ERC2: variants seen among roughly 807,000 people sequenced by gnomAD.
The protein encoded by ERC2 is ELKS/RAB6-interacting/CAST family member 2, also known as ERC protein 2.
Under a neutral mutation model 114.8 loss-of-function variants are expected in ERC2, and 42 were observed. The observed-to-expected ratio is 0.37, with a 90% confidence interval of 0.29 to 0.47. The LOEUF (loss-of-function observed/expected upper bound fraction) is 0.47. Ranked by LOEUF, ERC2 falls within the 20% of genes least tolerant of loss-of-function variation. The probability of loss-of-function intolerance (pLI) is 0.99; values close to 1 mark genes in which losing one functional copy is unlikely to be tolerated. For missense variants in ERC2, 939 were observed against 1,150.7 expected, an observed-to-expected ratio of 0.82 and a Z score of 2.66; for synonymous variants, 454 against 425.5, an observed-to-expected ratio of 1.07 and a Z score of -0.82.
At chr3:55,770,727 A>G (rs964522358) in intron 14 of ERC2, among the ~76,000 whole-genome samples, 1 of 152,130 alleles carries the variant, frequency 6.6e-6, no homozygotes, top group African/African-American at 2.4e-5. Context: ...CACATGTGCC[A>G]TGGTGGTTTG....
At chr3:56,353,240 C>G (rs2150532067) in intron 2 of ERC2, among the ~76,000 whole-genome samples, 1 of 152,148 alleles carries the variant, frequency 6.6e-6, no homozygotes, top group African/African-American at 2.4e-5. Flanking sequence ...AAATATAGAT[C>G]TACAACCCAT....
At chr3:55,733,523 C>G (rs1239889196) in intron 15 of ERC2, among the ~76,000 whole-genome samples, 3 of 72,578 alleles carry the variant, frequency 4.1e-5, no homozygotes, top group African/African-American at 1.3e-4. Flanking sequence ...CTCTCTGTCT[C>G]TCATTCTTTC....
In ERC2 at chr3:55,799,437, TTA is replaced by T. The variant is rs1553682483; in HGVS notation, c.2565-64521_2565-64520del. On this transcript the variant is annotated intron_variant, in intron 14 of 17. Transcript: ENST00000288221. Reference sequence around the variant, plus strand: ...TTATATATATGCATATATATATGCCTTATATATATATGCATATATATATATAT... The same window carrying T: ...TTATATATATGCATATATATATGCCTTATATATATGCATATATATATATAT... Among the ~76,000 whole-genome samples the T allele has an allele frequency of 1.2e-3, 119 of 103,286 alleles. 1 individual carries two copies. The highest frequency in any genetic ancestry group is 1.7e-3 in the Non-Finnish European group (96 of 56,338). The allele number at this position is 103,286 out of a possible 152,430, so 67.8% of individuals were successfully genotyped here. A position where few individuals can be genotyped will look rare whatever the true frequency, so the allele number is the denominator to read the frequency against.
Position 56,007,178 on chromosome 3 carries a change from T to TA in ERC2, c.2061+2dup, listed in dbSNP as rs1480265314. The TA allele has an allele frequency of 1.3e-6, 2 of 1,556,778 alleles. No homozygotes were observed. Among genetic ancestry groups the TA allele is most frequent in the South Asian group, 2.4e-5 (2 of 84,030 alleles). ...ATGATTCTTTTTCTTAGACTTCACT[T>TA]ACCTTTTTTAACTGTGCTTCCAATT... On this transcript the variant is annotated splice_region_variant and intron_variant, in intron 10 of 17. Coordinates refer to ENST00000288221, the MANE Select transcript of ERC2 (RefSeq NM_015576.3).
rs114514735 is a variant in ERC2, at chr3:55,534,138, G to T, written c.*40-22862C>A. ...ATCCTGTACTGAAGAACTTAGCACA[G>T]TGGGGTGCAGTGGCTCATGGCCATA... On this transcript the variant is annotated intron_variant, in intron 17 of 17. Coordinates refer to ENST00000288221, the MANE Select transcript of ERC2 (RefSeq NM_015576.3). Among the ~76,000 whole-genome samples, 593 of 152,374 alleles carry T rather than the reference G, an allele frequency of 3.9e-3. 5 individuals are homozygous for T. Among genetic ancestry groups the T allele is most frequent in the African/African-American group, 0.013 (543 of 41,592 alleles).
intron 2 of ERC2, among the ~76,000 whole-genome samples, chr3:56,428,365 A>G (rs2061654719): frequency 6.6e-6 from 1 of 151,964 alleles, no homozygotes; most frequent in Admixed American, 6.6e-5. Context: ...TACTAAAAAT[A>G]CAAAAATCAG....
intron 15 of ERC2, among the ~76,000 whole-genome samples, chr3:55,714,639 ATG>A (rs34850947): frequency 8.4e-3 from 831 of 99,394 alleles, no homozygotes; most frequent in East Asian, 0.031. Context: ...GTTTGTATAT[ATG>A]TGTGTGTGTG....
intron 17 of ERC2, among the ~76,000 whole-genome samples, chr3:55,523,999 G>C (rs1413694934): frequency 1.3e-5 from 2 of 152,170 alleles, no homozygotes; most frequent in African/African-American, 4.8e-5. Context: ...GCTGACTTCA[G>C]GTAAGTCACT....
intron 14 of ERC2, among the ~76,000 whole-genome samples, chr3:55,813,617 A>T (rs925194851): frequency 1.3e-5 from 2 of 152,198 alleles, no homozygotes; most frequent in Non-Finnish European, 2.9e-5. Flanking sequence ...GAACTGTCTG[A>T]CCAGGTAGCC....
intron 3 of ERC2, among the ~76,000 whole-genome samples, chr3:56,235,441 ATTGTAGATAGTTGCCAATGCTTTT>A (rs1226985428): frequency 1.3e-5 from 2 of 152,256 alleles, no homozygotes; most frequent in Non-Finnish European, 2.9e-5. Context: ...TTGGCCTAGC[ATTGTAGATAGTTGCCAATGCTTTT>A]TTGAAAAATA....
intron 7 of ERC2, among the ~76,000 whole-genome samples, chr3:56,078,471 A>G (rs962025498): frequency 5.3e-5 from 8 of 152,222 alleles, no homozygotes; most frequent in Admixed American, 5.2e-4. Context: ...GAAAGATTAC[A>G]GAACTCACTT....
intron 12 of ERC2, among the ~76,000 whole-genome samples, chr3:55,952,409 AAGTCAAACTTGC>A (rs1435675758): frequency 1.3e-5 from 2 of 152,064 alleles, no homozygotes; most frequent in Non-Finnish European, 2.9e-5. Flanking sequence ...TGAAGCCACC[AAGTCAAACTTGC>A]ATGCTAATCC....
In ERC2 at chr3:55,916,547, C is replaced by T. The variant is rs190817470; in HGVS notation, c.2404-27998G>A. On this transcript the variant is annotated intron_variant, in intron 13 of 17. Coordinates refer to ENST00000288221, the MANE Select transcript of ERC2 (RefSeq NM_015576.3). ...ATCATCAAAAGTTACACCGACTACA[C>T]CTCCCACTCATCCATGCCTACTGGT... is the stretch of plus-strand genomic sequence containing the variant. Among the ~76,000 whole-genome samples the T allele has an allele frequency of 1.8e-4, 28 of 152,264 alleles. No homozygotes were observed. In the East Asian group the frequency reaches 4.8e-3, roughly 26 times the overall value.
chr3:55,623,842 G>A (rs906208954), intron 17 of ERC2, among the ~76,000 whole-genome samples: 1 of 152,224 alleles, frequency 6.6e-6, no homozygotes, highest in African/African-American at 2.4e-5. Context: ...CCATCTGCAA[G>A]GGGCACCCTT....
intron 4 of ERC2, among the ~76,000 whole-genome samples, chr3:56,169,692 C>T (rs2150012730): frequency 1.3e-5 from 2 of 151,936 alleles, no homozygotes; most frequent in Non-Finnish European, 2.9e-5. Flanking sequence ...AATAAATTTC[C>T]TTTTGACTTC....
At chr3:55,765,019 A>G (rs1053163508) in intron 14 of ERC2, among the ~76,000 whole-genome samples, 1 of 152,198 alleles carries the variant, frequency 6.6e-6, no homozygotes, top group Non-Finnish European at 1.5e-5. Context: ...AGAGTCACCT[A>G]TTAGAACAAT....
chr3:55,592,017 C>G (rs1303310844), intron 17 of ERC2, among the ~76,000 whole-genome samples: 5 of 152,156 alleles, frequency 3.3e-5, no homozygotes, highest in Non-Finnish European at 1.5e-5. Flanking sequence ...TGAAAAGATG[C>G]CAAGGAATGG....
rs115100150 is a variant in ERC2 at position 55,758,034 on chromosome 3, A to C, written c.2565-23116T>G. Among the ~76,000 whole-genome samples, 502 of 152,270 alleles carry C rather than the reference A, an allele frequency of 3.3e-3. 5 individuals carry two copies. Among genetic ancestry groups the C allele is most frequent in the African/African-American group, 0.012 (482 of 41,566 alleles). On this transcript the variant is annotated intron_variant, in intron 14 of 17. Transcript: ENST00000288221. Reference sequence around the variant, plus strand: ...CTGGAGAGAATTACATCTGATGACTATCAGAGTGACTGAAATATTAATGAC... The same window carrying C: ...CTGGAGAGAATTACATCTGATGACTCTCAGAGTGACTGAAATATTAATGAC...
intron 4 of ERC2, among the ~76,000 whole-genome samples, chr3:56,168,286 G>C (rs1215401727): frequency 6.6e-6 from 1 of 152,152 alleles, no homozygotes; most frequent in Non-Finnish European, 1.5e-5. Flanking sequence ...TGCTGTCATT[G>C]GGTATTACTG....
Sources: gnomAD v4.1 joint callset for allele counts (sites outside exome capture counted in the v4.1 genomes callset) on GRCh38, gnomAD v4.1.1 for gene constraint, MANE v1.5 for transcripts, NCBI Gene and HGNC (gene_info 2026-07-23, HGNC 2026-07-21) for gene names.